SNRPN: variants seen among roughly 807,000 people sequenced by gnomAD.
SNRPN encodes small nuclear ribonucleoprotein polypeptide N.
SNRPN carries 7 observed loss-of-function variants against 25.2 expected under a neutral mutation model. The ratio of observed to expected loss-of-function variants is 0.28; its 90% confidence interval spans 0.16 to 0.52. The LOEUF (loss-of-function observed/expected upper bound fraction) is 0.52. SNRPN is among the 20% of genes least tolerant of loss of function. The probability of loss-of-function intolerance (pLI) is 0.96; values close to 1 mark genes in which losing one functional copy is unlikely to be tolerated. For missense variants in SNRPN, 196 were observed against 322.5 expected (o/e 0.61, Z 3.00); for synonymous variants, 124 against 110.6 (o/e 1.12, Z -0.76).
rs981652601 is a variant in SNRPN, at chr15:24,873,124, A to G, written c.-578-13392A>G. 5.9e-5 allele frequency among the ~76,000 whole-genome samples: 7 copies of G among 118,398 alleles called. 3 individuals carry two copies. The highest frequency in any genetic ancestry group is 4.8e-4 in the Admixed American group (5 of 10,418). 77.7% of individuals were successfully genotyped at this position (118,398 alleles called of 152,430 possible). A position where few individuals can be genotyped will look rare whatever the true frequency, so the allele number is the denominator to read the frequency against. Reference sequence around the variant, plus strand: ...GTTCTTTTAGATCTCATGAATTTCCATATGAATTTTAGAATCAGCTTACCA... The same window carrying G: ...GTTCTTTTAGATCTCATGAATTTCCGTATGAATTTTAGAATCAGCTTACCA... On this transcript the variant is annotated intron_variant, in intron 1 of 11. Coordinates refer to the SNRPN transcript ENST00000400097.
chr15:24,831,002 T>C (rs569648252), intron 2 of SNRPN, among the ~76,000 whole-genome samples: 10 of 152,212 alleles, frequency 6.6e-5, no homozygotes, highest in Non-Finnish European at 5.9e-5. Context: ...GGTGGATCTG[T>C]CTATTTCTGA....
chr15:24,898,328 G>A lies in SNRPN; in HGVS notation c.-505+11739G>A, dbSNP rs531869033. On this transcript the variant is annotated intron_variant, in intron 2 of 11. Transcript: ENST00000400097. Reference sequence around the variant, plus strand: ...TATTGAGCTAGGCGTGGTGGCTTACGCCTGTAATCGCAGCACTTTGGGAGG... The same window carrying A: ...TATTGAGCTAGGCGTGGTGGCTTACACCTGTAATCGCAGCACTTTGGGAGG... Among the ~76,000 whole-genome samples, 71 of 152,286 alleles carry A rather than the reference G, an allele frequency of 4.7e-4. No individual in the cohort carries two copies. The Middle Eastern group carries it at 0.01, about 22-fold the overall frequency.
chr15:24,883,241 G>GT (rs1318588522), intron 1 of SNRPN, among the ~76,000 whole-genome samples: 5 of 152,352 alleles, frequency 3.3e-5, no homozygotes, highest in Admixed American at 1.3e-4. Flanking sequence ...GAGGCCAAGC[G>GT]TATTCCTTGG....
chr15:24,967,957 C>T lies in SNRPN; in HGVS notation c.-269C>T. ...GTGTCAGTTGTACCCGAGGCGTTCT[C>T]AGCAGCAGCAAGTACCTGTGGTGGA... is the stretch of plus-strand genomic sequence containing the variant. On this transcript the variant is annotated 5_prime_UTR_variant, in exon 3 of 10. It introduces an in-frame stop codon into an upstream open reading frame of the 5' UTR. Coordinates refer to ENST00000390687, the MANE Select transcript of SNRPN (RefSeq NM_003097.6). 6.2e-7 allele frequency: 1 copy of T among 1,613,976 alleles called. No individual in the cohort carries two copies. The highest frequency in any genetic ancestry group is 8.5e-7 in the Non-Finnish European group (1 of 1,179,982).
intron 1 of SNRPN, chr15:24,829,712 T>C (rs1284871710): frequency 6.6e-6 from 1 of 152,256 alleles, no homozygotes. Flanking sequence ...TGCAGGACCA[T>C]TAGCATTGCC....
At chr15:24,868,902 C>T (rs951574095) in intron 1 of SNRPN, among the ~76,000 whole-genome samples, 10 of 152,086 alleles carry the variant, frequency 6.6e-5, no homozygotes, top group African/African-American at 1.7e-4. Flanking sequence ...TTTGGGAGGA[C>T]GAGGTGGGAG....
At chr15:24,965,388 T>A (rs905898146) in intron 2 of SNRPN, among the ~76,000 whole-genome samples, 10 of 151,924 alleles carry the variant, frequency 6.6e-5, no homozygotes, top group Non-Finnish European at 1.3e-4. Context: ...AATAAAAAAA[T>A]CAGCCGGGTG....
chr15:24,849,244 A>G (rs1258286141), intron 2 of SNRPN: 2 of 152,254 alleles, frequency 1.3e-5, no homozygotes, highest in Non-Finnish European at 2.9e-5. Context: ...ACTATGTTTT[A>G]AAACAGTGGC....
intron 1 of SNRPN, among the ~76,000 whole-genome samples, chr15:24,875,554 A>G (rs2055768977): frequency 6.6e-6 from 1 of 152,120 alleles, no homozygotes; most frequent in Non-Finnish European, 1.5e-5. Context: ...ACCGCAACAG[A>G]AGAATATTCA....
chr15:24,944,754 GTC>G (rs2061771428), intron 3 of SNRPN, among the ~76,000 whole-genome samples: 1 of 152,180 alleles, frequency 6.6e-6, no homozygotes, highest in Non-Finnish European at 1.5e-5. Context: ...GATGTGTATA[GTC>G]TCAGTCTCTG....
intron 3 of SNRPN, among the ~76,000 whole-genome samples, chr15:24,927,138 G>A (rs1214585044): frequency 7.2e-6 from 1 of 139,504 alleles, no homozygotes; most frequent in East Asian, 2.1e-4. Context: ...CTTTTTTTTT[G>A]GAGACATGAT....
At chr15:24,902,402 A>AT (rs946973914) in intron 2 of SNRPN, among the ~76,000 whole-genome samples, 8 of 152,238 alleles carry the variant, frequency 5.3e-5, no homozygotes, top group Admixed American at 1.3e-4. Context: ...AACTTAAAAA[A>AT]ATATATATCA....
chr15:24,953,654 G>A (rs889628600), upstream of SNRPN, among the ~76,000 whole-genome samples: 7 of 152,178 alleles, frequency 4.6e-5, no homozygotes, highest in Non-Finnish European at 7.3e-5. Context: ...CCCGTGATCA[G>A]AGTCAACTTC....
chr15:24,958,520 T>TTTTA lies in SNRPN; in HGVS notation c.-391+3458_-391+3459insTTTA, dbSNP rs1440476628. Among the ~76,000 whole-genome samples the TTTTA allele has an allele frequency of 5.8e-4, 70 of 120,736 alleles. 1 individual carries two copies. The highest frequency in any genetic ancestry group is 2.3e-3 in the African/African-American group (68 of 29,266). The allele number at this position is 120,736 out of a possible 152,430, so 79.2% of individuals were successfully genotyped here. A position where few individuals can be genotyped will look rare whatever the true frequency, so the allele number is the denominator to read the frequency against. ...TTTTTTTTTTTTTTTTTTTTTTTTT[T>TTTTA]AAATAGACCAGGGTCTCCCTATGTT... On this transcript the variant is annotated intron_variant, in intron 1 of 9. Transcript: ENST00000390687.
intron 2 of SNRPN, among the ~76,000 whole-genome samples, chr15:24,891,595 G>A (rs2057684389): frequency 6.6e-6 from 1 of 152,034 alleles, no homozygotes; most frequent in Admixed American, 6.6e-5. Flanking sequence ...CCGCCACCAT[G>A]TCCAGCTAAT....
chr15:24,867,531 C>T (rs546350081), intron 1 of SNRPN, among the ~76,000 whole-genome samples: 7 of 152,108 alleles, frequency 4.6e-5, no homozygotes, highest in East Asian at 1.9e-4. Flanking sequence ...CCCGCCACCA[C>T]GCTCAGCTAA....
chr15:24,969,724 T>C (rs2076161138), intron 3 of SNRPN, among the ~76,000 whole-genome samples: 1 of 152,246 alleles, frequency 6.6e-6, no homozygotes, highest in Non-Finnish European at 1.5e-5. Flanking sequence ...TTTATGATAC[T>C]TAATTATATC....
intron 2 of SNRPN, among the ~76,000 whole-genome samples, chr15:24,837,470 G>A (rs4454950): frequency 0.13 from 20,133 of 151,050 alleles, 1,580 homozygotes; most frequent in East Asian, 0.29. Context: ...CTGGGTTCAC[G>A]CCATTCTCCT....
intron 1 of SNRPN, among the ~76,000 whole-genome samples, chr15:24,862,884 G>A (rs1293034063): frequency 1.3e-5 from 2 of 150,680 alleles, no homozygotes; most frequent in Admixed American, 1.3e-4. Flanking sequence ...AGGGCAGTGG[G>A]TTGGAAGGAT....
Sources: allele counts gnomAD v4.1 joint callset (sites outside exome capture counted in the v4.1 genomes callset), GRCh38; gene constraint gnomAD v4.1.1; transcripts MANE v1.5; gene names NCBI Gene and HGNC (gene_info 2026-07-23, HGNC 2026-07-21).